Variants in ROBO2 observed in about 807,000 individuals in gnomAD.
ROBO2 encodes the protein roundabout guidance receptor 2, also known as roundabout homolog 2.
ROBO2 carries 53 observed loss-of-function variants against 160.8 expected under a neutral mutation model. The ratio of observed to expected loss-of-function variants is 0.33; its 90% CI spans 0.26 to 0.41. The LOEUF (loss-of-function observed/expected upper bound fraction) is 0.41, where lower values mean the gene tolerates loss of function less well. ROBO2 is among the 10% of genes least tolerant of loss of function. The pLI, the probability that ROBO2 is intolerant of heterozygous loss-of-function variation, is 1.00. For synonymous variants in ROBO2, 664 were observed against 611.7 expected, an observed-to-expected ratio of 1.09 and a Z score of -1.26; for missense variants, 1,577 against 1,722.4, an observed-to-expected ratio of 0.92 and a Z score of 1.49.
In ROBO2 at chr3:76,851,661, G is replaced by T. The variant is rs373031987; in HGVS notation, c.110-246353G>T. The stretch of plus-strand genomic sequence containing the variant: ...GAGGCAGGAGAATGGCGTGAACCCG[G>T]GAAGCGGAGCTTGCAGTGAGCCGAG... On this transcript the variant is annotated intron_variant, in intron 2 of 26. Coordinates refer to the ROBO2 transcript ENST00000487694. Among the ~76,000 whole-genome samples the T allele has an allele frequency of 2.7e-5, 4 of 146,380 alleles. No individual in the cohort carries two copies. The South Asian group carries it at 8.9e-4, about 33-fold the overall frequency.
chr3:76,467,508 G>A (rs565393286), intron 2 of ROBO2, among the ~76,000 whole-genome samples: 1 of 152,200 alleles, frequency 6.6e-6, no homozygotes, highest in African/African-American at 2.4e-5. Flanking sequence ...TTGATGTCAA[G>A]TCGGAACCAT....
At chr3:76,277,444 A>T (rs1707992244) in intron 2 of ROBO2, among the ~76,000 whole-genome samples, 2 of 151,966 alleles carry the variant, frequency 1.3e-5, no homozygotes, top group South Asian at 2.1e-4. Context: ...TCCTCTAGGG[A>T]TAGGAAGGCA....
intron 1 of ROBO2, among the ~76,000 whole-genome samples, chr3:77,087,862 A>G (rs1183648123): frequency 6.6e-6 from 1 of 152,088 alleles, no homozygotes; most frequent in African/African-American, 2.4e-5. Context: ...GCACACATAT[A>G]TAAAGACACA....
intron 2 of ROBO2, among the ~76,000 whole-genome samples, chr3:77,098,646 G>T (rs556760346): frequency 5.9e-5 from 9 of 152,110 alleles, no homozygotes; most frequent in African/African-American, 2.2e-4. Flanking sequence ...AGGAGATCGA[G>T]ACCATCCTGG....
chr3:75,956,854 T>G (rs1948738751), intron 2 of ROBO2, among the ~76,000 whole-genome samples: 1 of 151,778 alleles, frequency 6.6e-6, no homozygotes, highest in Non-Finnish European at 1.5e-5. Flanking sequence ...TTTATAGCAG[T>G]TGGACCAAAA....
chr3:77,608,922 TTTC>T (rs2094574905), intron 21 of ROBO2, among the ~76,000 whole-genome samples: 2 of 150,502 alleles, frequency 1.3e-5, no homozygotes, highest in African/African-American at 4.9e-5. Context: ...TGTTTATAAA[TTTC>T]TTCTTCATCC....
At chr3:76,542,018 T>G (rs2082844883) in intron 2 of ROBO2, among the ~76,000 whole-genome samples, 1 of 152,126 alleles carries the variant, frequency 6.6e-6, no homozygotes, top group South Asian at 2.1e-4. Context: ...TCTTCCCTCC[T>G]CTCTGCCACT....
intron 2 of ROBO2, among the ~76,000 whole-genome samples, chr3:76,908,221 C>A (rs2075746747): frequency 6.8e-6 from 1 of 147,514 alleles, no homozygotes; most frequent in Non-Finnish European, 1.5e-5. Flanking sequence ...GAAAAAAAAA[C>A]TGCAAACATT....
chr3:77,069,080 A>G (rs571490096), intron 1 of ROBO2, among the ~76,000 whole-genome samples: 1 of 152,304 alleles, frequency 6.6e-6, no homozygotes, highest in East Asian at 1.9e-4. Context: ...GCTGTGGCAG[A>G]CGCTGTGTGG....
At chr3:75,987,423 A>T (rs1051429282) in intron 2 of ROBO2, among the ~76,000 whole-genome samples, 1 of 151,776 alleles carries the variant, frequency 6.6e-6, no homozygotes, top group Non-Finnish European at 1.5e-5. Flanking sequence ...TTTGTTTATT[A>T]GTTTTAACTA....
intron 2 of ROBO2, among the ~76,000 whole-genome samples, chr3:77,253,436 T>G (rs2090601244): frequency 6.6e-6 from 1 of 152,160 alleles, no homozygotes. Flanking sequence ...ACCTGCAAAG[T>G]TTAATATTCA....
At chr3:77,099,120 G>A (rs1384570484) in intron 2 of ROBO2, among the ~76,000 whole-genome samples, 5 of 139,860 alleles carry the variant, frequency 3.6e-5, no homozygotes, top group Admixed American at 7.8e-5. Flanking sequence ...CACATAGGCC[G>A]GAGTGCAATG....
At chr3:76,277,308 C>T (rs1049400729) in intron 2 of ROBO2, among the ~76,000 whole-genome samples, 4 of 151,880 alleles carry the variant, frequency 2.6e-5, no homozygotes, top group Non-Finnish European at 5.9e-5. Flanking sequence ...ACAACAGCAA[C>T]AACAAACAAC....
At position 76,720,477 on chromosome 3, in the gene ROBO2, G is replaced by C. The variant is rs144158063; in HGVS notation, c.110-377537G>C. On this transcript the variant is annotated intron_variant, in intron 2 of 26. Coordinates refer to the ROBO2 transcript ENST00000487694. ...GGAATATGAGAAATCTGGACTTTCA[G>C]AGGCATTTACTCTCTGAAAGGAACA... 4.4e-3 allele frequency among the ~76,000 whole-genome samples: 666 copies of C among 152,284 alleles called. 6 individuals are homozygous for C. Among genetic ancestry groups the C allele is most frequent in the African/African-American group, 0.015 (639 of 41,562 alleles).
At chr3:76,797,407 C>G (rs1182691637) in intron 2 of ROBO2, among the ~76,000 whole-genome samples, 1 of 151,860 alleles carries the variant, frequency 6.6e-6, no homozygotes, top group Non-Finnish European at 1.5e-5. Flanking sequence ...GGAAACACAA[C>G]ATACCAAAAC....
At chr3:77,546,175 T>G (rs571625148) in intron 6 of ROBO2, among the ~76,000 whole-genome samples, 163 bp from the exon 8 acceptor site, 4 of 152,284 alleles carry the variant, frequency 2.6e-5, no homozygotes, top group African/African-American at 9.6e-5. Context: ...GGATTGAATA[T>G]AATGTCTTTC....
intron 2 of ROBO2, among the ~76,000 whole-genome samples, chr3:77,369,174 C>T (rs2153475307): frequency 6.6e-6 from 1 of 152,146 alleles, no homozygotes; most frequent in South Asian, 2.1e-4. Flanking sequence ...GGTGAAGTGC[C>T]CGGGGTGTGC....
chr3:77,001,541 G>T (rs991861148), intron 2 of ROBO2, among the ~76,000 whole-genome samples: 1 of 152,002 alleles, frequency 6.6e-6, no homozygotes, highest in East Asian at 1.9e-4. Flanking sequence ...TGAACAGGGG[G>T]GTTTGAGAGG....
At chr3:76,861,205 A>C (rs1174983849) in intron 2 of ROBO2, among the ~76,000 whole-genome samples, 1 of 152,194 alleles carries the variant, frequency 6.6e-6, no homozygotes, top group African/African-American at 2.4e-5. Context: ...ATAAGAGGGA[A>C]GGGCAAGGGC....
Sources: gnomAD v4.1 joint callset for allele counts (sites outside exome capture counted in the v4.1 genomes callset) on GRCh38, gnomAD v4.1.1 for gene constraint, MANE v1.5 for transcripts, NCBI Gene and HGNC (gene_info 2026-07-23, HGNC 2026-07-21) for gene names.